Variants in SLC14A2 observed in about 807,000 individuals in gnomAD.
The protein encoded by SLC14A2 is solute carrier family 14 member 2.
A neutral mutation model predicts 104.6 loss-of-function variants in SLC14A2; 91 were observed. The observed-to-expected ratio is 0.87, with a 90% CI of 0.73 to 1.04. SLC14A2 has a LOEUF of 1.04. Among genes scored for constraint, SLC14A2 ranks in the 50% least tolerant of loss-of-function variants. SLC14A2 has a pLI of 0.00. For missense variants in SLC14A2, 1,189 were observed against 1,156.0 expected, an observed-to-expected ratio of 1.03 and a Z score of -0.41; for synonymous variants, 476 against 466.4, an observed-to-expected ratio of 1.02 and a Z score of -0.27.
intron 10 of SLC14A2, among the ~76,000 whole-genome samples, chr18:45,655,689 G>A (rs776209721): frequency 6.6e-6 from 1 of 152,236 alleles, no homozygotes; most frequent in Non-Finnish European, 1.5e-5. Flanking sequence ...GAGAAAGAGA[G>A]TATGAAAGAG....
At chr18:45,277,997 T>G (rs545561111) in intron 1 of SLC14A2, among the ~76,000 whole-genome samples, 1 of 152,288 alleles carries the variant, frequency 6.6e-6, no homozygotes, top group Admixed American at 6.5e-5. Context: ...ATAACTGAAC[T>G]CATGCAGGAG....
intron 1 of SLC14A2, among the ~76,000 whole-genome samples, chr18:45,243,223 G>A (rs2084335058): frequency 6.6e-6 from 1 of 152,218 alleles, no homozygotes; most frequent in Non-Finnish European, 1.5e-5. Context: ...ATAGAGGCAT[G>A]AGAGATAATG....
At chr18:45,238,748 G>A (rs773199280) in intron 1 of SLC14A2, among the ~76,000 whole-genome samples, 7 of 152,178 alleles carry the variant, frequency 4.6e-5, no homozygotes, top group Admixed American at 2.0e-4. Flanking sequence ...AAGCGTATAC[G>A]TACAACTAAC....
chr18:45,491,030 T>C (rs568174185), intron 2 of SLC14A2, among the ~76,000 whole-genome samples: 16 of 152,328 alleles, frequency 1.1e-4, no homozygotes, highest in Admixed American at 3.9e-4. Context: ...TTTTTATCTC[T>C]TTAGAGGGCA....
chr18:45,566,565 C>CA (rs1289095370), intron 2 of SLC14A2, among the ~76,000 whole-genome samples: 7 of 152,136 alleles, frequency 4.6e-5, no homozygotes, highest in African/African-American at 1.4e-4. Context: ...CATCACTGCT[C>CA]ACCCCAGCCT....
At chr18:45,272,283 G>A (rs73427918) in intron 1 of SLC14A2, among the ~76,000 whole-genome samples, 4,047 of 152,136 alleles carry the variant, frequency 0.027, 193 homozygotes, top group African/African-American at 0.093. Context: ...TTGAAGAGAT[G>A]TCTGTACTCC....
intron 1 of SLC14A2, among the ~76,000 whole-genome samples, chr18:45,445,297 A>G (rs1055847337): frequency 6.6e-6 from 1 of 151,792 alleles, no homozygotes; most frequent in Non-Finnish European, 1.5e-5. Context: ...TTTTTAGTAG[A>G]TATGTGGTTT....
chr18:45,603,851 A>G (rs547795556), intron 2 of SLC14A2, among the ~76,000 whole-genome samples: 1 of 152,382 alleles, frequency 6.6e-6, no homozygotes, highest in Non-Finnish European at 1.5e-5. Flanking sequence ...CACTAATGGC[A>G]TAATTTCAGA....
intron 1 of SLC14A2, among the ~76,000 whole-genome samples, chr18:45,213,808 T>C (rs1045694839): frequency 6.6e-6 from 1 of 152,174 alleles, no homozygotes; most frequent in Admixed American, 6.5e-5. Context: ...GTAAGGCATA[T>C]ACAATTTGGG....
intron 1 of SLC14A2, among the ~76,000 whole-genome samples, chr18:45,270,562 G>C (rs945407245): frequency 2.0e-5 from 3 of 152,072 alleles, no homozygotes; most frequent in African/African-American, 4.8e-5. Flanking sequence ...TAGACAGCTA[G>C]TGGCAAAACT....
At chr18:45,470,362 T>C (rs1396226762) in intron 1 of SLC14A2, among the ~76,000 whole-genome samples, 1 of 152,210 alleles carries the variant, frequency 6.6e-6, no homozygotes, top group Non-Finnish European at 1.5e-5. Flanking sequence ...TGTCTTTTGC[T>C]CATAGCACAA....
chr18:45,525,926 C>A (rs1232910933), intron 2 of SLC14A2, among the ~76,000 whole-genome samples: 1 of 152,166 alleles, frequency 6.6e-6, no homozygotes, highest in African/African-American at 2.4e-5. Context: ...TCTTCAGACT[C>A]TTTCATAGTG....
At chr18:45,368,381 C>A (rs1322108823) in intron 1 of SLC14A2, among the ~76,000 whole-genome samples, 2 of 152,100 alleles carry the variant, frequency 1.3e-5, no homozygotes, top group Admixed American at 6.5e-5. Flanking sequence ...CCTTGCACAC[C>A]AAGAACTCAG....
intron 2 of SLC14A2, among the ~76,000 whole-genome samples, chr18:45,505,767 G>A (rs1297249825): frequency 6.6e-6 from 1 of 152,072 alleles, no homozygotes; most frequent in Non-Finnish European, 1.5e-5. Context: ...GTTATTTTTG[G>A]CCAGGTTTGG....
chr18:45,609,001 T>C (rs570306743), intron 2 of SLC14A2, among the ~76,000 whole-genome samples: 5 of 152,178 alleles, frequency 3.3e-5, no homozygotes, highest in Admixed American at 6.5e-5. Context: ...AGAGCCCTAG[T>C]GTTGCTTCTC....
intron 2 of SLC14A2, among the ~76,000 whole-genome samples, chr18:45,506,958 G>T (rs1164314028): frequency 6.6e-6 from 1 of 152,150 alleles, no homozygotes; most frequent in Non-Finnish European, 1.5e-5. Context: ...CTCCTCAAGG[G>T]GATATCACCA....
At chr18:45,433,554 T>G (rs2086550889) in intron 1 of SLC14A2, among the ~76,000 whole-genome samples, 1 of 152,206 alleles carries the variant, frequency 6.6e-6, no homozygotes, top group Non-Finnish European at 1.5e-5. Flanking sequence ...ATCACACTTC[T>G]CCGCCTTGTA....
At chr18:45,681,472 A>G (rs1211005532) in intron 19 of SLC14A2, among the ~76,000 whole-genome samples, 1 of 152,256 alleles carries the variant, frequency 6.6e-6, no homozygotes, top group Non-Finnish European at 1.5e-5. Flanking sequence ...TATCCATTCA[A>G]GCTATCTCAA....
intron 2 of SLC14A2, chr18:45,528,529 A>T (rs2043632317): frequency 6.6e-6 from 1 of 151,992 alleles, no homozygotes; most frequent in Non-Finnish European, 1.5e-5. Context: ...TCATGAATTA[A>T]TTATGCAGCC....
Sources: allele counts gnomAD v4.1 joint callset (sites outside exome capture counted in the v4.1 genomes callset), GRCh38; gene constraint gnomAD v4.1.1; transcripts MANE v1.5; gene names NCBI Gene and HGNC (gene_info 2026-07-23, HGNC 2026-07-21).